PIK3C2G: variants seen among roughly 807,000 people sequenced by gnomAD.
The protein encoded by PIK3C2G is phosphatidylinositol 3-kinase C2 domain-containing subunit gamma.
Under a neutral mutation model 181.1 loss-of-function variants are expected in PIK3C2G, and 168 were observed. That is an observed-to-expected ratio of 0.93 (90% CI 0.82 to 1.05). The LOEUF (loss-of-function observed/expected upper bound fraction) is 1.05, where lower values mean the gene tolerates loss of function less well. PIK3C2G is among the 50% of genes least tolerant of loss of function. The pLI, the probability that PIK3C2G is intolerant of heterozygous loss-of-function variation, is 0.00. For synonymous variants in PIK3C2G, 573 were observed against 592.2 expected (o/e 0.97, Z 0.47); for missense variants, 1,869 against 1,732.8 (o/e 1.08, Z -1.40).
chr12:18,399,558 A>C (rs1288343202), intron 15 of PIK3C2G, 101 bp from the exon 16 acceptor site: 10 of 572,538 alleles, frequency 1.7e-5, no homozygotes, highest in Non-Finnish European at 2.6e-5. Context: ...ACTAAAATAA[A>C]ATTCAAAGAA....
In PIK3C2G at chr12:18,321,004, G is replaced by A; in HGVS notation, c.1180G>A (p.Glu394Lys). 6.4e-7 allele frequency: 1 copy of A among 1,566,770 alleles called. No individual in the cohort carries two copies. The highest frequency in any genetic ancestry group is 8.8e-7 in the Non-Finnish European group (1 of 1,141,508). ...TCAGTTTTATCTGAATCAACTTCTA[G>A]AATTTATGCATATTTGGAAAGTATC... is the stretch of plus-strand genomic sequence containing the variant. ...HSQFYLNQLL[E>K]FMHIWKVSRQ... The change falls in exon 7 of 33, where the codon GAA becomes AAA. Residue 394 changes from glutamate to lysine, a missense_variant. Physicochemically the swap from Glu to Lys is moderately conservative, Grantham distance 56. Transcript: ENST00000538779.
At chr12:18,452,297 G>T (rs1221825929) in intron 18 of PIK3C2G, among the ~76,000 whole-genome samples, 1 of 152,004 alleles carries the variant, frequency 6.6e-6, no homozygotes, top group African/African-American at 2.4e-5. Context: ...GTTTAGTCTT[G>T]GGAGGGTGTA....
the PIK3C2G span, among the ~76,000 whole-genome samples, chr12:18,716,064 T>C: frequency 2.0e-5 from 3 of 152,312 alleles, no homozygotes; most frequent in South Asian, 4.1e-4. Flanking sequence ...TATTTATGTA[T>C]TTAGATTTTA....
chr12:18,517,450 C>A (rs2136167005), intron 24 of PIK3C2G, among the ~76,000 whole-genome samples: 2 of 152,224 alleles, frequency 1.3e-5, no homozygotes, highest in South Asian at 4.1e-4. Flanking sequence ...TCCTTCACAT[C>A]CCTTGTTAAC....
the PIK3C2G span, chr12:18,719,521 G>A: frequency 1.8e-5 from 28 of 1,585,064 alleles, no homozygotes; most frequent in South Asian, 3.0e-4. Context: ...ATCATTTAAT[G>A]GATGAGTCAT....
chr12:18,446,224 TTC>T (rs1947017485), intron 18 of PIK3C2G, among the ~76,000 whole-genome samples: 2 of 152,120 alleles, frequency 1.3e-5, no homozygotes, highest in Admixed American at 6.6e-5. Flanking sequence ...GCCAGATGTC[TTC>T]TGTTTGCCTC....
intron 18 of PIK3C2G, among the ~76,000 whole-genome samples, chr12:18,479,528 G>A (rs1292877818): frequency 6.6e-6 from 1 of 152,140 alleles, no homozygotes; most frequent in Non-Finnish European, 1.5e-5. Flanking sequence ...CTGAGGTAAG[G>A]ATTGCCTAAC....
intron 18 of PIK3C2G, among the ~76,000 whole-genome samples, chr12:18,464,729 G>A (rs1358362659): frequency 6.6e-6 from 1 of 151,878 alleles, no homozygotes; most frequent in Non-Finnish European, 1.5e-5. Context: ...AATTTTGTGT[G>A]GGCAAAATTA....
intron 6 of PIK3C2G, among the ~76,000 whole-genome samples, chr12:18,316,510 C>T (rs1950868240): frequency 6.6e-6 from 1 of 152,140 alleles, no homozygotes; most frequent in Non-Finnish European, 1.5e-5. Context: ...CATGGTTCAA[C>T]TTACAAGCTT....
chr12:18,640,580 G>C (rs1949795008), intron 32 of PIK3C2G, 26 bp downstream of exon 32: 1 of 1,557,630 alleles, frequency 6.4e-7, no homozygotes, highest in African/African-American at 1.4e-5. Context: ...CTTTTGTCCA[G>C]TCATTTTGTA....
Position 18,389,124 on chromosome 12 carries a change from G to A in PIK3C2G, c.1996-1998G>A, listed in dbSNP as rs140134661. ...TCCAAGCACTTTGGGAGGCCGAGGC[G>A]GGTGGATCACAAGGTCAGGAGATCG... On this transcript the variant is annotated intron_variant, in intron 14 of 32. Coordinates refer to ENST00000538779, the MANE Select transcript of PIK3C2G (RefSeq NM_001288772.2). Among the ~76,000 whole-genome samples the A allele has an allele frequency of 6.0e-3, 920 of 152,166 alleles. 6 individuals carry two copies. The highest frequency in any genetic ancestry group is 0.021 in the African/African-American group (877 of 41,528).
the PIK3C2G span, among the ~76,000 whole-genome samples, chr12:18,677,425 C>T: frequency 6.6e-6 from 1 of 152,044 alleles, no homozygotes; most frequent in East Asian, 1.9e-4. Context: ...CAAATCTGAG[C>T]ATGCATCTGA....
intron 18 of PIK3C2G, among the ~76,000 whole-genome samples, chr12:18,442,284 T>G (rs1420484029): frequency 6.6e-6 from 1 of 152,098 alleles, no homozygotes; most frequent in Non-Finnish European, 1.5e-5. Context: ...ACTCACTGAG[T>G]GTGGAATACT....
chr12:18,291,086 C>T (rs1056931340), intron 4 of PIK3C2G, 74 bp downstream of exon 4: 2 of 829,602 alleles, frequency 2.4e-6, no homozygotes, highest in African/African-American at 3.4e-5. Flanking sequence ...AATTCAAAGT[C>T]TGAAGTTATT....
intron 32 of PIK3C2G, among the ~76,000 whole-genome samples, chr12:18,642,257 T>C (rs1949882046): frequency 6.6e-6 from 1 of 152,242 alleles, no homozygotes. Flanking sequence ...TACATTTAAG[T>C]ACATTACCCA....
At chr12:18,316,649 G>T (rs1252211026) in intron 6 of PIK3C2G, among the ~76,000 whole-genome samples, 2 of 151,874 alleles carry the variant, frequency 1.3e-5, no homozygotes, top group Non-Finnish European at 2.9e-5. Context: ...GATAATACTT[G>T]AACCCGAGAG....
At chr12:18,455,955 G>A (rs560843523) in intron 18 of PIK3C2G, among the ~76,000 whole-genome samples, 1 of 152,002 alleles carries the variant, frequency 6.6e-6, no homozygotes, top group Admixed American at 6.6e-5. Context: ...AATGACATTC[G>A]CCTTATGCCA....
At chr12:18,575,507 G>A (rs149226929) in intron 29 of PIK3C2G, among the ~76,000 whole-genome samples, 9 of 152,186 alleles carry the variant, frequency 5.9e-5, no homozygotes, top group African/African-American at 2.2e-4. Flanking sequence ...TTGATTCTTA[G>A]CAAATTTTGA....
At position 18,320,952 on chromosome 12, in the gene PIK3C2G, C is replaced by T. The variant is rs1313444573; in HGVS notation, c.1138-10C>T. The T allele has an allele frequency of 1.1e-5, 17 of 1,486,686 alleles. No homozygotes were observed. Among genetic ancestry groups the T allele is most frequent in the Non-Finnish European group, 1.6e-5 (17 of 1,073,466 alleles). The allele number at this position is 1,486,686 out of a possible 1,614,324, so 92.1% of individuals were successfully genotyped here. A position where few individuals can be genotyped will look rare whatever the true frequency, so the allele number is the denominator to read the frequency against. On this transcript the variant is annotated splice_polypyrimidine_tract_variant and intron_variant, in intron 6 of 32. Coordinates refer to ENST00000538779, the MANE Select transcript of PIK3C2G (RefSeq NM_001288772.2). Reference sequence around the variant, plus strand: ...ACTCAATAAATATTAATATATTCTGCTGTCTACAGCATGAAGAGGACCACA... The same window carrying T: ...ACTCAATAAATATTAATATATTCTGTTGTCTACAGCATGAAGAGGACCACA...
Sources: allele counts gnomAD v4.1 joint callset (sites outside exome capture counted in the v4.1 genomes callset), GRCh38; gene constraint gnomAD v4.1.1; transcripts MANE v1.5; gene names NCBI Gene and HGNC (gene_info 2026-07-23, HGNC 2026-07-21).